The following SMIM24 variants were observed in gnomAD, a reference collection of about 807,000 sequenced individuals.
SMIM24 encodes the protein small integral membrane protein 24, also known as MAP17-related dimer.
SMIM24 carries 6 observed loss-of-function variants against 10.8 expected under a neutral mutation model. That is an observed-to-expected ratio of 0.55 (90% CI 0.30 to 1.09). SMIM24 has a LOEUF of 1.09. Ranked by LOEUF, SMIM24 falls within the 50% of genes least tolerant of loss-of-function variation. The pLI is 0.06. For missense variants in SMIM24, 151 were observed against 153.4 expected (o/e 0.98, Z 0.08); for synonymous variants, 71 against 62.4 (o/e 1.14, Z -0.65).
At position 3,478,879 on chromosome 19, in the gene SMIM24, C is replaced by G. The variant is rs1193375504; in HGVS notation, c.118G>C (p.Gly40Arg). The G allele has an allele frequency of 6.5e-7, 1 of 1,549,868 alleles. No homozygotes were observed. Among genetic ancestry groups the G allele is most frequent in the Non-Finnish European group, 8.7e-7 (1 of 1,146,756 alleles). Residue 40 changes from glycine to arginine, a missense_variant, in exon 2 of 4, where the codon GGC (glycine) becomes CGC (arginine). Gly to Arg is a moderately radical substitution (Grantham distance 125). Coordinates refer to ENST00000215531, the MANE Select transcript of SMIM24 (RefSeq NM_001136503.2). ...PWLVGLAAVV[G>R]FLFIVYLVLL... The stretch of plus-strand genomic sequence containing the variant: ...ACCAAATAGACGATGAACAGGAAGC[C>G]GACTACCGCAGCCAGGCCCACCAGC...
intron 1 of SMIM24, among the ~76,000 whole-genome samples, chr19:3,480,136 C>CG (rs1046138643): frequency 1.5e-4 from 10 of 66,654 alleles, no homozygotes; most frequent in Middle Eastern, 9.3e-3. Context: ...GAGCTCAAGG[C>CG]GGGGGGTTCA....
At position 3,474,899 on chromosome 19, in the gene SMIM24, C is replaced by G. The variant is rs1399364748; in HGVS notation, c.337G>C (p.Asp113His). ...TCTCCGGGCTCTTTTTCCTCCAGAT[C>G]CAGTCCCAAGTTGCTCTCTCCTTCC... ...AKEGESNLGL[D>H]LEEKEPGDHE... The change falls in exon 4 of 4, where the codon GAT becomes CAT. Residue 113 changes from aspartate (D) to histidine (H), a missense_variant. Coordinates refer to ENST00000215531, the MANE Select transcript of SMIM24 (RefSeq NM_001136503.2). 6.4e-7 allele frequency: 1 copy of G among 1,551,604 alleles called. No individual in the cohort carries two copies. Among genetic ancestry groups the G allele is most frequent in the African/African-American group, 1.4e-5 (1 of 73,038 alleles).
chr19:3,479,141 C>T, intron 1 of SMIM24: 1 of 337,832 alleles, frequency 3.0e-6, no homozygotes, highest in Non-Finnish European at 5.1e-6. Flanking sequence ...GGGAGGGAGC[C>T]TGGGGGCCCA....
At position 3,478,406 on chromosome 19, in the gene SMIM24, G is replaced by T. The variant is rs534204799; in HGVS notation, c.239+13C>A. On this transcript the variant is annotated intron_variant, in intron 3 of 3. Transcript: ENST00000215531. ...GGGTTCACACAGACCCCCAGCATCC[G>T]CACGCATAGTACCTCTGGTCCTGGT... The T allele has an allele frequency of 2.6e-6, 4 of 1,546,476 alleles. No individual in the cohort carries two copies. The highest frequency in any genetic ancestry group is 2.5e-5 in the East Asian group (1 of 40,674).
At chr19:3,479,315 CA>C (rs2082807079) in intron 1 of SMIM24, among the ~76,000 whole-genome samples, 1 of 110,374 alleles carries the variant, frequency 9.1e-6, no homozygotes. Flanking sequence ...AGGAGTGGCT[CA>C]GGGGTGGGGT....
rs760568265 is a variant in SMIM24, at chr19:3,480,381, G to T, written c.67+16C>A. Reference sequence around the variant, plus strand: ...CCCCTATCCCGCGACGCCCCCTCCCGCCCCCCTGCACCTACCCTGCTGGGC... The same window carrying T: ...CCCCTATCCCGCGACGCCCCCTCCCTCCCCCCTGCACCTACCCTGCTGGGC... On this transcript the variant is annotated intron_variant, in intron 1 of 3. Transcript: ENST00000215531. 6 of 1,059,518 alleles carry T rather than the reference G, an allele frequency of 5.7e-6. No homozygotes were observed. The highest frequency in any genetic ancestry group is 4.6e-4 in the Middle Eastern group (2 of 4,318). The allele number at this position is 1,059,518 out of a possible 1,614,324, so 65.6% of individuals were successfully genotyped here.
At chr19:3,477,829 G>A (rs2082800522) in intron 3 of SMIM24, among the ~76,000 whole-genome samples, 1 of 149,814 alleles carries the variant, frequency 6.7e-6, no homozygotes, top group South Asian at 2.1e-4. Flanking sequence ...GTGAGTGGGT[G>A]AATGGGTGAG....
chr19:3,477,260 A>G (rs1289630324), intron 3 of SMIM24, among the ~76,000 whole-genome samples: 2 of 43,534 alleles, frequency 4.6e-5, no homozygotes, highest in African/African-American at 8.3e-5. Flanking sequence ...GGGTTGGGGG[A>G]TGGGTGAGTG....
Position 3,478,417 on chromosome 19 carries a change from ACCTCTGGT to A in SMIM24, c.233_239+1del. 6.5e-7 allele frequency: 1 copy of A among 1,547,964 alleles called. No homozygotes were observed. Among genetic ancestry groups the A allele is most frequent in the Non-Finnish European group, 8.7e-7 (1 of 1,145,728 alleles). On this transcript the variant is annotated splice_donor_variant and coding_sequence_variant, in exon 3 of 4. Coordinates refer to ENST00000215531, the MANE Select transcript of SMIM24 (RefSeq NM_001136503.2). LOFTEE classifies it high-confidence loss of function. ...GACCCCCAGCATCCGCACGCATAGT[ACCTCTGGT>A]CCTGGTATAGGTTGGACTCCATTCT...
chr19:3,474,709 C>A lies in SMIM24; in HGVS notation c.*134G>T, dbSNP rs1464545534. ...TGAGGGAGGTGGGGTGGGTTCCAAG[C>A]CTTCTTCACTTGAGAACACTGTATT... On this transcript the variant is annotated 3_prime_UTR_variant, in exon 4 of 4. Transcript: ENST00000215531. 2 of 1,211,384 alleles carry A rather than the reference C, an allele frequency of 1.7e-6. No individual in the cohort carries two copies. The highest frequency in any genetic ancestry group is 3.4e-5 in the South Asian group (2 of 58,586). 75.0% of individuals were successfully genotyped at this position (1,211,384 alleles called of 1,614,324 possible).
intron 3 of SMIM24, among the ~76,000 whole-genome samples, 197 bp downstream of exon 3, chr19:3,478,222 A>G (rs552434567): frequency 6.6e-6 from 1 of 152,290 alleles, no homozygotes; most frequent in Admixed American, 6.5e-5. Flanking sequence ...AGTGTCAGGA[A>G]GGCTGGTGGC....
chr19:3,478,466 C>T lies in SMIM24; in HGVS notation c.192G>A (p.Glu64=). ...ACTCCATTCTGAACGTGGTCTCCTC[C>T]TCGTCCTCAGCCCTGCAGAGATAAA... ...LWCSKARAED[E]EETTFRMESN... The change falls in exon 3 of 4, where the codon GAG becomes GAA. Residue 64 remains glutamate (E), a synonymous_variant. Transcript: ENST00000215531. The T allele has an allele frequency of 1.2e-5, 19 of 1,549,136 alleles. No homozygotes were observed. The highest frequency in any genetic ancestry group is 1.7e-5 in the Non-Finnish European group (19 of 1,146,358).
At chr19:3,477,330 A>G (rs1448043363) in intron 3 of SMIM24, among the ~76,000 whole-genome samples, 3 of 104,870 alleles carry the variant, frequency 2.9e-5, no homozygotes, top group Non-Finnish European at 5.7e-5. Flanking sequence ...GGGTGGATGG[A>G]TGGTGGGTGG....
chr19:3,476,420 G>T (rs2082792309), intron 3 of SMIM24, among the ~76,000 whole-genome samples: 2 of 151,870 alleles, frequency 1.3e-5, no homozygotes, highest in South Asian at 4.1e-4. Context: ...GTGGTTGGAG[G>T]GTGAGGACTG....
At chr19:3,478,756 G>T in intron 2 of SMIM24, 62 bp downstream of exon 2, 3 of 1,323,998 alleles carry the variant, frequency 2.3e-6, no homozygotes, top group Non-Finnish European at 3.1e-6. Flanking sequence ...TACCAGAGAG[G>T]GTTGGGAAGC....
intron 1 of SMIM24, 114 bp from the exon 2 acceptor site, chr19:3,479,043 G>T (rs1466387580): frequency 2.1e-5 from 17 of 820,476 alleles, no homozygotes; most frequent in Non-Finnish European, 2.5e-5. Context: ...CGACAGAGGG[G>T]GTATTGGAAA....
At position 3,478,406 on chromosome 19, in the gene SMIM24, G is replaced by A. The variant is rs534204799; in HGVS notation, c.239+13C>T. ...GGGTTCACACAGACCCCCAGCATCC[G>A]CACGCATAGTACCTCTGGTCCTGGT... On this transcript the variant is annotated intron_variant, in intron 3 of 3. Coordinates refer to ENST00000215531, the MANE Select transcript of SMIM24 (RefSeq NM_001136503.2). 2.3e-5 allele frequency: 36 copies of A among 1,546,358 alleles called. No individual in the cohort carries two copies. Among genetic ancestry groups the A allele is most frequent in the Non-Finnish European group, 2.9e-5 (33 of 1,145,044 alleles).
In SMIM24 at chr19:3,474,853, G is replaced by C. The variant is rs771272652; in HGVS notation, c.383C>G (p.Thr128Arg). 1.3e-6 allele frequency: 2 copies of C among 1,551,256 alleles called. No homozygotes were observed. Among genetic ancestry groups the C allele is most frequent in the Admixed American group, 2.0e-5 (1 of 50,932 alleles). ...EPGDHERAKS[T>R]VM is the part of the protein sequence containing the mutation. The stretch of plus-strand genomic sequence containing the variant: ...GGCAGCCAGGAATCTTCACATGACT[G>C]TGCTCTTTGCTCTCTCATGGTCTCC... The change falls in exon 4 of 4, where the codon ACA becomes AGA. Residue 128 changes from threonine (T) to arginine (R), a missense_variant. Coordinates refer to ENST00000215531, the MANE Select transcript of SMIM24 (RefSeq NM_001136503.2).
Position 3,477,064 on chromosome 19 carries a change from GGGGGGT to G in SMIM24, c.239+1349_239+1354del, listed in dbSNP as rs1163364513. On this transcript the variant is annotated intron_variant, in intron 3 of 3. Transcript: ENST00000215531. ...GGATGGATTGGTGAATGGATAGGTC[GGGGGGT>G]GGGTGAGTGAATAGATGGGTGATGG... Among the ~76,000 whole-genome samples, 11 of 71,934 alleles carry G rather than the reference GGGGGGT, an allele frequency of 1.5e-4. No homozygotes were observed. The East Asian group carries it at 0.022, about 141-fold the overall frequency. 47.2% of individuals were successfully genotyped at this position (71,934 alleles called of 152,430 possible).
Sources: allele counts gnomAD v4.1 joint callset (sites outside exome capture counted in the v4.1 genomes callset), GRCh38; gene constraint gnomAD v4.1.1; transcripts MANE v1.5; gene names NCBI Gene and HGNC (gene_info 2026-07-23, HGNC 2026-07-21).